CFAP58: variants seen among roughly 807,000 people sequenced by gnomAD.
CFAP58 encodes cilia and flagella associated protein 58.
A neutral mutation model predicts 119.5 loss-of-function variants in CFAP58; 88 were observed. The observed-to-expected ratio is 0.74, with a 90% CI of 0.62 to 0.88. CFAP58 has a LOEUF of 0.88. CFAP58 is among the 40% of genes least tolerant of loss of function. CFAP58 has a pLI of 0.00. For missense variants in CFAP58, 990 were observed against 1,021.2 expected, an observed-to-expected ratio of 0.97 and a Z score of 0.42; for synonymous variants, 365 against 366.3, an observed-to-expected ratio of 1.00 and a Z score of 0.04.
chr10:104,424,047 T>C (rs2012703229), intron 15 of CFAP58, among the ~76,000 whole-genome samples: 1 of 152,210 alleles, frequency 6.6e-6, no homozygotes, highest in Admixed American at 6.5e-5. Context: ...GGTCATCAAG[T>C]TCCCTCTCCT....
At chr10:104,371,173 A>C (rs1399575788) in intron 7 of CFAP58, 119 bp downstream of exon 7, 15 of 942,382 alleles carry the variant, frequency 1.6e-5, no homozygotes, top group Non-Finnish European at 2.3e-5. Flanking sequence ...CAGTAAAACA[A>C]CACTCACACT....
At chr10:104,445,076 A>G (rs903411761) in intron 15 of CFAP58, among the ~76,000 whole-genome samples, 3 of 152,164 alleles carry the variant, frequency 2.0e-5, no homozygotes, top group African/African-American at 7.2e-5. Flanking sequence ...TAATCACAGC[A>G]CTTTGGGAGG....
chr10:104,376,470 T>C (rs1025923678), intron 7 of CFAP58, among the ~76,000 whole-genome samples: 1 of 133,322 alleles, frequency 7.5e-6, no homozygotes, highest in Non-Finnish European at 1.5e-5. Flanking sequence ...GCCACTGCAC[T>C]CCAGCCTGGG....
chr10:104,444,842 C>T (rs1484909634), intron 15 of CFAP58, among the ~76,000 whole-genome samples: 1 of 152,160 alleles, frequency 6.6e-6, no homozygotes, highest in Non-Finnish European at 1.5e-5. Flanking sequence ...TTCTTCTACC[C>T]ACCATGAACA....
At chr10:104,432,389 T>C (rs1455962145) in intron 15 of CFAP58, among the ~76,000 whole-genome samples, 1 of 152,250 alleles carries the variant, frequency 6.6e-6, no homozygotes, top group Non-Finnish European at 1.5e-5. Context: ...GGTAACCTTA[T>C]TAGTAATCAA....
chr10:104,426,546 A>T (rs1185885469), intron 15 of CFAP58, among the ~76,000 whole-genome samples: 1 of 152,032 alleles, frequency 6.6e-6, no homozygotes, highest in Non-Finnish European at 1.5e-5. Context: ...ACAAAACAAA[A>T]CAAAAAACAA....
At chr10:104,400,356 A>G (rs1331492354) in intron 12 of CFAP58, among the ~76,000 whole-genome samples, 1 of 152,154 alleles carries the variant, frequency 6.6e-6, no homozygotes, top group African/African-American at 2.4e-5. Flanking sequence ...CATGTTGGCC[A>G]GGCTGCTCGC....
At chr10:104,402,930 G>C (rs1292787285) in intron 13 of CFAP58, among the ~76,000 whole-genome samples, 1 of 152,172 alleles carries the variant, frequency 6.6e-6, no homozygotes, top group Non-Finnish European at 1.5e-5. Context: ...ACTAGTGTTA[G>C]GTTATCACCT....
intron 11 of CFAP58, among the ~76,000 whole-genome samples, chr10:104,394,938 G>T (rs904953651): frequency 1.3e-5 from 2 of 152,154 alleles, no homozygotes; most frequent in Admixed American, 6.6e-5. Context: ...ACCCATGAGT[G>T]GTATGGACCA....
intron 7 of CFAP58, among the ~76,000 whole-genome samples, chr10:104,373,470 CA>C (rs894658533): frequency 1.6e-3 from 236 of 146,820 alleles, no homozygotes; most frequent in African/African-American, 4.5e-3. Context: ...ACTATCTCTT[CA>C]AAAAAAAAAA....
chr10:104,392,532 G>T, intron 10 of CFAP58, 138 bp downstream of exon 10: 1 of 537,648 alleles, frequency 1.9e-6, no homozygotes. Flanking sequence ...ATCAATTTAC[G>T]CAAAACTGTC....
At chr10:104,395,927 T>G (rs1191280073) in intron 11 of CFAP58, among the ~76,000 whole-genome samples, 2 of 152,340 alleles carry the variant, frequency 1.3e-5, no homozygotes, top group East Asian at 3.9e-4. Context: ...GTCATCCTCA[T>G]CTTCATTCAT....
intron 9 of CFAP58, among the ~76,000 whole-genome samples, chr10:104,389,000 G>A (rs1260647110): frequency 6.6e-6 from 1 of 152,132 alleles, no homozygotes; most frequent in Non-Finnish European, 1.5e-5. Flanking sequence ...ATCTCAAAGT[G>A]TATATTAATT....
At chr10:104,432,097 T>C (rs1589934057) in intron 15 of CFAP58, among the ~76,000 whole-genome samples, 3 of 152,120 alleles carry the variant, frequency 2.0e-5, no homozygotes. Flanking sequence ...AGAGGAAGTA[T>C]AATACCAAAG....
rs904884186 is a variant in CFAP58, at chr10:104,392,453, G to T, written c.1527+59G>T. 1.2e-5 allele frequency: 15 copies of T among 1,232,932 alleles called. No individual in the cohort carries two copies. The African/African-American group carries it at 2.0e-4, about 17-fold the overall frequency. The allele number at this position is 1,232,932 out of a possible 1,614,324, so 76.4% of individuals were successfully genotyped here. Reference sequence around the variant, plus strand: ...TTATTTTTACCCTGCATTTAAAACAGTTTCTGTTATCCTAATGGCAGAATT... The same window carrying T: ...TTATTTTTACCCTGCATTTAAAACATTTTCTGTTATCCTAATGGCAGAATT... On this transcript the variant is annotated intron_variant, in intron 10 of 17. Transcript: ENST00000369704.
intron 6 of CFAP58, among the ~76,000 whole-genome samples, chr10:104,369,838 A>C (rs2014799371): frequency 1.3e-5 from 2 of 152,222 alleles, no homozygotes; most frequent in African/African-American, 4.8e-5. Flanking sequence ...AAAGAATCCC[A>C]GCTGCTTTTC....
At position 104,362,698 on chromosome 10, in the gene CFAP58, C is replaced by T. The variant is rs531879390; in HGVS notation, c.440+527C>T. Among the ~76,000 whole-genome samples, 14 of 152,324 alleles carry T rather than the reference C, an allele frequency of 9.2e-5. No individual in the cohort carries two copies. In the East Asian group the frequency reaches 2.3e-3, roughly 25 times the overall value. On this transcript the variant is annotated intron_variant, in intron 3 of 17. Coordinates refer to ENST00000369704, the MANE Select transcript of CFAP58 (RefSeq NM_001008723.2). ...CTTGGTTCAGGCCTCCTATTCTCTG[C>T]CAGATTTGGCAGTAGCGTCCTAACT...
intron 9 of CFAP58, among the ~76,000 whole-genome samples, chr10:104,380,522 C>T (rs1036040092): frequency 6.6e-6 from 1 of 152,042 alleles, no homozygotes; most frequent in Non-Finnish European, 1.5e-5. Flanking sequence ...GGGCTGGCAC[C>T]AGGGCTGCCA....
intron 7 of CFAP58, among the ~76,000 whole-genome samples, chr10:104,374,354 A>G (rs1032957516): frequency 2.0e-5 from 3 of 146,990 alleles, no homozygotes; most frequent in African/African-American, 7.5e-5. Context: ...ACACGCCTGT[A>G]GTCCCAACTA....
Sources: allele counts gnomAD v4.1 joint callset (sites outside exome capture counted in the v4.1 genomes callset), GRCh38; gene constraint gnomAD v4.1.1; transcripts MANE v1.5; gene names NCBI Gene and HGNC (gene_info 2026-07-23, HGNC 2026-07-21).